The following PCNP variants were observed in gnomAD, a reference collection of about 807,000 sequenced individuals.
PCNP encodes PEST proteolytic signal-containing nuclear protein.
Under a neutral mutation model 21.8 loss-of-function variants are expected in PCNP, and 6 were observed. That is an observed-to-expected ratio of 0.28 (90% confidence interval 0.15 to 0.54). The LOEUF (loss-of-function observed/expected upper bound fraction) is 0.54, where lower values mean the gene tolerates loss of function less well. Ranked by LOEUF, PCNP falls within the 20% of genes least tolerant of loss-of-function variation. The pLI, the probability that PCNP is intolerant of heterozygous loss-of-function variation, is 0.95. For missense variants in PCNP, 161 were observed against 215.5 expected, an observed-to-expected ratio of 0.75 and a Z score of 1.58; for synonymous variants, 67 against 73.2, an observed-to-expected ratio of 0.92 and a Z score of 0.43.
At chr3:101,576,679 A>G (rs1576603741) in intron 1 of PCNP, 3 of 1,611,924 alleles carry the variant, frequency 1.9e-6, no homozygotes, top group Non-Finnish European at 2.5e-6. Flanking sequence ...TCCATCCTTT[A>G]CATCCTTCTG....
rs557320817 is a variant in PCNP, at chr3:101,589,484, C to T, written c.355-731C>T. Among the ~76,000 whole-genome samples the T allele has an allele frequency of 3.4e-4, 51 of 151,222 alleles. 1 individual carries two copies. The East Asian group carries it at 5.4e-3, about 16-fold the overall frequency. ...GGAGTGCAGTGGCACGATCTCGGCTCACTGCAACCTTTGCCTCCCGAATTC... is the reference window on the plus strand; with the variant it reads ...GGAGTGCAGTGGCACGATCTCGGCTTACTGCAACCTTTGCCTCCCGAATTC... On this transcript the variant is annotated intron_variant, in intron 3 of 4. Coordinates refer to ENST00000265260, the MANE Select transcript of PCNP (RefSeq NM_020357.3).
chr3:101,586,389 C>G (rs891958328), intron 3 of PCNP, among the ~76,000 whole-genome samples: 9 of 151,882 alleles, frequency 5.9e-5, no homozygotes, highest in Admixed American at 6.6e-5. Context: ...TATGAATGAC[C>G]TATGGAAGTT....
At chr3:101,581,146 A>T (rs898536663) in intron 2 of PCNP, among the ~76,000 whole-genome samples, 2 of 152,162 alleles carry the variant, frequency 1.3e-5, no homozygotes, top group Admixed American at 6.6e-5. Flanking sequence ...TCTATTTTTT[A>T]AAAAATTCAG....
At position 101,592,758 on chromosome 3, in the gene PCNP, T is replaced by C. The variant is rs1478668846; in HGVS notation, c.*5T>C. The stretch of plus-strand genomic sequence containing the variant: ...GTCCATGACCAAGACAATTAAATGA[T>C]GTTTTGAAATTGGGGTGTGGGGTGG... On this transcript the variant is annotated 3_prime_UTR_variant, in exon 5 of 5. Transcript: ENST00000265260. The C allele has an allele frequency of 1.2e-6, 2 of 1,611,306 alleles. No individual in the cohort carries two copies. The highest frequency in any genetic ancestry group is 1.7e-5 in the Admixed American group (1 of 59,658).
chr3:101,575,420 G>A (rs983107810), intron 1 of PCNP, among the ~76,000 whole-genome samples: 1 of 151,190 alleles, frequency 6.6e-6, no homozygotes, highest in African/African-American at 2.4e-5. Context: ...TAAAAAACAC[G>A]TACAATTCTG....
chr3:101,579,853 A>C lies in PCNP; in HGVS notation c.128A>C (p.Glu43Ala), dbSNP rs976646588. The C allele has an allele frequency of 6.2e-7, 1 of 1,614,046 alleles. No individual in the cohort carries two copies. The highest frequency in any genetic ancestry group is 1.7e-5 in the Admixed American group (1 of 60,006). ...ACTGTTTCTTCCAGTAATGGAGGGG[A>C]AAGTTCCAGTCGCAGCGCTGAGAAG... ...TKTVSSSNGGESSSRSAEKRS... is the reference protein window; with the variant it reads ...TKTVSSSNGGASSSRSAEKRS... The change falls in exon 2 of 5, where the codon GAA becomes GCA. Residue 43 changes from glutamate to alanine, a missense_variant. By Grantham distance (107) the Glu-to-Ala change is moderately radical. This residue lies in a region of PCNP where 46 missense variants were observed against 39.3 expected (regional missense o/e 1.17). Transcript: ENST00000265260.
intron 3 of PCNP, among the ~76,000 whole-genome samples, chr3:101,587,393 C>T (rs1330540230): frequency 6.6e-6 from 1 of 151,722 alleles, no homozygotes; most frequent in Non-Finnish European, 1.5e-5. Flanking sequence ...GATTGGAGCC[C>T]AAATCAGTAA....
intron 3 of PCNP, among the ~76,000 whole-genome samples, chr3:101,589,410 CTT>C (rs35442732): frequency 6.8e-6 from 1 of 146,036 alleles, no homozygotes; most frequent in Non-Finnish European, 1.5e-5. Flanking sequence ...AATGAGCTCT[CTT>C]TTTTTTTTTT....
intron 2 of PCNP, among the ~76,000 whole-genome samples, chr3:101,582,131 T>C (rs1030597715): frequency 1.5e-4 from 22 of 149,696 alleles, no homozygotes; most frequent in Non-Finnish European, 3.3e-4. Context: ...TAAAACTTTT[T>C]AGTTTTGGAA....
chr3:101,583,287 C>T (rs558555260), intron 2 of PCNP, among the ~76,000 whole-genome samples: 18 of 152,294 alleles, frequency 1.2e-4, no homozygotes, highest in African/African-American at 4.1e-4. Flanking sequence ...AAAACTCCAT[C>T]TCTACTGAAA....
At chr3:101,578,999 C>T (rs971823865) in intron 1 of PCNP, among the ~76,000 whole-genome samples, 1 of 152,148 alleles carries the variant, frequency 6.6e-6, no homozygotes, top group African/African-American at 2.4e-5. Context: ...TCATCATTGA[C>T]TTCATACAAA....
chr3:101,592,142 T>A (rs1935843634), intron 4 of PCNP, among the ~76,000 whole-genome samples: 1 of 151,626 alleles, frequency 6.6e-6, no homozygotes, highest in Non-Finnish European at 1.5e-5. Flanking sequence ...TGTTTTTTGT[T>A]TTTTGTTTTT....
intron 1 of PCNP, 113 bp downstream of exon 1, chr3:101,574,392 G>A (rs1934743019): frequency 2.3e-6 from 3 of 1,328,424 alleles, no homozygotes; most frequent in Admixed American, 2.6e-5. Context: ...GACCTCACCC[G>A]GCCAGGTGTT....
chr3:101,580,613 G>A (rs1426967738), intron 2 of PCNP, among the ~76,000 whole-genome samples: 18 of 151,970 alleles, frequency 1.2e-4, no homozygotes, highest in Admixed American at 1.1e-3. Flanking sequence ...ATCTTACTTT[G>A]GAACGACAAA....
intron 1 of PCNP, chr3:101,576,526 C>T (rs886782990): frequency 1.6e-5 from 25 of 1,610,090 alleles, no homozygotes; most frequent in Admixed American, 8.3e-5. Flanking sequence ...GCGGCCACGG[C>T]GGCCAGTGGT....
intron 2 of PCNP, among the ~76,000 whole-genome samples, chr3:101,582,133 G>A (rs1291940322): frequency 6.8e-6 from 1 of 147,600 alleles, no homozygotes; most frequent in Admixed American, 6.7e-5. Flanking sequence ...AAACTTTTTA[G>A]TTTTGGAAAA....
intron 2 of PCNP, among the ~76,000 whole-genome samples, chr3:101,581,042 GA>G (rs1158700723): frequency 6.6e-6 from 1 of 152,136 alleles, no homozygotes; most frequent in Non-Finnish European, 1.5e-5. Flanking sequence ...ATATGGTCTG[GA>G]GCAGTCAGTA....
chr3:101,577,538 T>C (rs1473598093), intron 1 of PCNP, among the ~76,000 whole-genome samples: 1 of 152,220 alleles, frequency 6.6e-6, no homozygotes, highest in Non-Finnish European at 1.5e-5. Flanking sequence ...TTTCTTCCTT[T>C]TTTTGAGATG....
intron 1 of PCNP, 72 bp downstream of exon 1, chr3:101,574,351 G>A (rs1433376659): frequency 7.0e-7 from 1 of 1,436,876 alleles, no homozygotes; most frequent in Non-Finnish European, 9.4e-7. Context: ...AGGGTGGGGG[G>A]AGTGGGGTGG....
Sources: gnomAD v4.1 joint callset for allele counts (sites outside exome capture counted in the v4.1 genomes callset) on GRCh38, gnomAD v4.1.1 for gene constraint, gnomAD v4.1.1 regional missense constraint, MANE v1.5 for transcripts, NCBI Gene and HGNC (gene_info 2026-07-23, HGNC 2026-07-21) for gene names.